Variants in FOXD4L1 observed in about 807,000 individuals in gnomAD.
FOXD4L1 encodes the protein forkhead box protein D4-like 1.
A neutral mutation model predicts 24.8 loss-of-function variants in FOXD4L1; 10 were observed. That is an observed-to-expected ratio of 0.40 (90% CI 0.25 to 0.68). The LOEUF is 0.68. Among genes scored for constraint, FOXD4L1 ranks in the 30% least tolerant of loss-of-function variants. The pLI, the probability that FOXD4L1 is intolerant of heterozygous loss-of-function variation, is 0.37. For synonymous variants in FOXD4L1, 159 were observed against 256.4 expected, an observed-to-expected ratio of 0.62 and a Z score of 3.63; for missense variants, 364 against 572.4, an observed-to-expected ratio of 0.64 and a Z score of 3.72.
At chr2:113,500,410 G>C (rs147163734) in exon 1 of FOXD4L1, 1 of 1,519,242 alleles carries the variant, frequency 6.6e-7, no homozygotes, top group Admixed American at 2.0e-5. Flanking sequence ...TCCCACCAAG[G>C]GCGCGGTGCT....
chr2:113,499,042 A>G (rs979003595), exon 1 of FOXD4L1: 12 of 740,724 alleles, frequency 1.6e-5, no homozygotes, highest in Middle Eastern at 7.8e-4. Flanking sequence ...GGGGGAGTCC[A>G]CCACACATGG....
In FOXD4L1 at chr2:113,500,730, C is replaced by A; in HGVS notation, c.*247C>A. On this transcript the variant is annotated 3_prime_UTR_variant, in exon 1 of 1. Coordinates refer to ENST00000306507, the Ensembl canonical transcript of FOXD4L1. ...TGGTTAGAAAGAAACAGCTGGATTA[C>A]GTTCCTCTAAAAACCACCTGAACGT... The A allele has an allele frequency of 2.9e-6, 3 of 1,017,936 alleles. No individual in the cohort carries two copies. The South Asian group carries it at 5.6e-5, about 19-fold the overall frequency. 63.1% of individuals were successfully genotyped at this position (1,017,936 alleles called of 1,614,324 possible). A position where few individuals can be genotyped will look rare whatever the true frequency, so the allele number is the denominator to read the frequency against.
Position 113,499,531 on chromosome 2 carries a change from C to T in FOXD4L1, c.275C>T (p.Pro92Leu), listed in dbSNP as rs562260022. 1.4e-5 allele frequency: 23 copies of T among 1,605,050 alleles called. 1 individual carries two copies. The highest frequency in any genetic ancestry group is 4.1e-5 in the African/African-American group (3 of 73,394). ...GAGTTTGGCACCGAGTTCAGGGCAC[C>T]GCCAAGGTCTGCGGCGGCCTCTGAA... is the stretch of plus-strand genomic sequence containing the variant. Residue 92 changes from proline (P) to leucine (L), a missense_variant, in exon 1 of 1, where the codon CCG becomes CTG. Pro to Leu is a moderately conservative substitution (Grantham distance 98). Coordinates refer to ENST00000306507, the Ensembl canonical transcript of FOXD4L1.
At position 113,500,392 on chromosome 2, in the gene FOXD4L1, G is replaced by C. The variant is rs143559975; in HGVS notation, c.1136G>C (p.Arg379Pro). The change falls in exon 1 of 1, where the codon CGG becomes CCG. Residue 379 changes from arginine to proline, a missense_variant. Coordinates refer to ENST00000306507, the Ensembl canonical transcript of FOXD4L1. ...GCATCAGGAGGAGGACTGCGCCAAC[G>C]GCTGCGCTCCCACCAAGGGCGCGGT... 2.3e-5 allele frequency: 35 copies of C among 1,519,418 alleles called. 8 individuals carry two copies. Among genetic ancestry groups the C allele is most frequent in the Non-Finnish European group, 2.8e-5 (32 of 1,126,302 alleles). 94.1% of individuals were successfully genotyped at this position (1,519,418 alleles called of 1,614,324 possible). A position where few individuals can be genotyped will look rare whatever the true frequency, so the allele number is the denominator to read the frequency against.
chr2:113,499,247 C>G (rs1397175280), exon 1 of FOXD4L1: 14 of 1,611,602 alleles, frequency 8.7e-6, no homozygotes, highest in Non-Finnish European at 1.2e-5. Context: ...ACTGAAGCAC[C>G]TGCTCCGCCA....
At chr2:113,498,972 C>T (rs1263166309) in exon 1 of FOXD4L1, 19 of 608,644 alleles carry the variant, frequency 3.1e-5, no homozygotes, top group Non-Finnish European at 5.2e-5. Context: ...GACCATCATC[C>T]CTGGACTACG....
exon 1 of FOXD4L1, chr2:113,499,052 G>C: frequency 1.3e-6 from 1 of 784,190 alleles, no homozygotes; most frequent in Non-Finnish European, 2.0e-6. Context: ...ACCACACATG[G>C]TCTTGAAGAA....
chr2:113,500,091 G>C, exon 1 of FOXD4L1: 1 of 1,578,738 alleles, frequency 6.3e-7, no homozygotes, highest in Non-Finnish European at 8.5e-7. Flanking sequence ...CGCCTATGCC[G>C]GGGCACCGAA....
chr2:113,499,717 G>A (rs771123316), exon 1 of FOXD4L1: 3 of 1,607,466 alleles, frequency 1.9e-6, no homozygotes, highest in South Asian at 2.2e-5. Context: ...TGGCAGAACA[G>A]CATCCGCCAC....
At chr2:113,500,616 G>T in exon 1 of FOXD4L1, 1 of 1,457,666 alleles carries the variant, frequency 6.9e-7, no homozygotes, top group Non-Finnish European at 9.1e-7. Flanking sequence ...GCGATCCGCA[G>T]CTGCTCACTC....
At chr2:113,500,357 A>T (rs1682420566) in exon 1 of FOXD4L1, 7 of 1,519,886 alleles carry the variant, frequency 4.6e-6, no homozygotes, top group Non-Finnish European at 6.2e-6. Context: ...ATTTTGCAGC[A>T]ACAGCAGCAG....
exon 1 of FOXD4L1, chr2:113,499,217 C>T: frequency 1.9e-6 from 3 of 1,606,794 alleles, no homozygotes; most frequent in Middle Eastern, 2.3e-4. Flanking sequence ...GCCAGGTGAT[C>T]GGCCGCCACA....
rs1682417560 is a variant in FOXD4L1, at chr2:113,500,235, G to C, written c.979G>C (p.Glu327Gln). The C allele has an allele frequency of 1.9e-6, 3 of 1,557,606 alleles. 1 individual carries two copies. Among genetic ancestry groups the C allele is most frequent in the Non-Finnish European group, 8.7e-7 (1 of 1,153,092 alleles). Residue 327 changes from glutamate (E) to glutamine (Q), a missense_variant, in exon 1 of 1, where the codon GAG becomes CAG. Transcript: ENST00000306507. The stretch of plus-strand genomic sequence containing the variant: ...AGGCGGATGCATCTCTTTCAGCATT[G>C]AGAGTATCATGCAAGGGGTCAGGGG...
At chr2:113,498,683 A>C (rs1379665348) in exon 1 of FOXD4L1, 3 of 189,508 alleles carry the variant, frequency 1.6e-5, no homozygotes, top group African/African-American at 7.2e-5. Context: ...TTACGGTTAC[A>C]CATTCCTTTA....
exon 1 of FOXD4L1, chr2:113,499,191 G>A: frequency 6.2e-7 from 1 of 1,611,722 alleles, no homozygotes; most frequent in Non-Finnish European, 8.5e-7. Context: ...CAGGCTTCCA[G>A]CTCAGCCCGC....
chr2:113,500,368 C>G, exon 1 of FOXD4L1: 1 of 1,519,866 alleles, frequency 6.6e-7, no homozygotes, highest in African/African-American at 1.4e-5. Context: ...ACAGCAGCAG[C>G]ATCAGGAGGA....
exon 1 of FOXD4L1, chr2:113,499,928 C>T: frequency 1.3e-6 from 2 of 1,566,538 alleles, no homozygotes; most frequent in Non-Finnish European, 1.7e-6. Flanking sequence ...CTGCTGCACA[C>T]GCCGCCCTGC....
In FOXD4L1 at chr2:113,500,142, C is replaced by G. The variant is rs867124171; in HGVS notation, c.886C>G (p.Pro296Ala). 1.9e-5 allele frequency: 29 copies of G among 1,518,034 alleles called. 7 individuals carry two copies. The highest frequency in any genetic ancestry group is 2.6e-5 in the Non-Finnish European group (29 of 1,129,172). The allele number at this position is 1,518,034 out of a possible 1,614,324, so 94.0% of individuals were successfully genotyped here. ...GGACCTGGCGACCCCCGGCACCCTT[C>G]CCGTGCTGCAGCCCTCACTTGGTCC... The change falls in exon 1 of 1, where the codon CCC (proline) becomes GCC (alanine). Residue 296 changes from proline (P) to alanine (A), a missense_variant. Physicochemically the swap from Pro to Ala is conservative, Grantham distance 27 (BLOSUM62 -1). Transcript: ENST00000306507.
chr2:113,500,447 C>T lies in FOXD4L1; in HGVS notation c.1191C>T (p.Gly397=), dbSNP rs1317310012. The T allele has an allele frequency of 4.0e-6, 6 of 1,518,584 alleles. 2 individuals carry two copies. The highest frequency in any genetic ancestry group is 5.3e-6 in the Non-Finnish European group (6 of 1,125,876). The allele number at this position is 1,518,584 out of a possible 1,614,324, so 94.1% of individuals were successfully genotyped here. A position where few individuals can be genotyped will look rare whatever the true frequency, so the allele number is the denominator to read the frequency against. Residue 397 remains glycine, a synonymous_variant, in exon 1 of 1, where the codon GGC becomes GGT. Coordinates refer to ENST00000306507, the Ensembl canonical transcript of FOXD4L1. ...GGCGGGCACCTGTCGGCCGCGTCGGCGCTGCTGCGGTATCAGGCGGTGGCA... is the reference window on the plus strand; with the variant it reads ...GGCGGGCACCTGTCGGCCGCGTCGGTGCTGCTGCGGTATCAGGCGGTGGCA...
Sources: allele counts gnomAD v4.1 joint callset, GRCh38; gene constraint gnomAD v4.1.1; transcripts MANE v1.5; gene names NCBI Gene and HGNC (gene_info 2026-07-23, HGNC 2026-07-21).